The following SLC15A2 variants were observed in gnomAD, a reference collection of about 807,000 sequenced individuals.
SLC15A2 encodes the protein solute carrier family 15 member 2.
In SLC15A2, 77 loss-of-function variants were observed where a neutral mutation model predicts 95.5. That is an observed-to-expected ratio of 0.81 (90% CI 0.67 to 0.97). The LOEUF is 0.97. Ranked by LOEUF, SLC15A2 falls within the 50% of genes least tolerant of loss-of-function variation. The pLI, the probability that SLC15A2 is intolerant of heterozygous loss-of-function variation, is 0.00. For missense variants in SLC15A2, 893 were observed against 874.4 expected, an observed-to-expected ratio of 1.02 and a Z score of -0.27; for synonymous variants, 306 against 306.9, an observed-to-expected ratio of 1.00 and a Z score of 0.03.
At chr3:121,901,245 G>A (rs1019176556) in intron 3 of SLC15A2, among the ~76,000 whole-genome samples, 2 of 151,920 alleles carry the variant, frequency 1.3e-5, no homozygotes, top group East Asian at 3.9e-4. Flanking sequence ...TCTCGAACTC[G>A]ACCTCAAGTG....
At chr3:121,896,694 G>A (rs1051090993) in intron 2 of SLC15A2, among the ~76,000 whole-genome samples, 8 of 151,976 alleles carry the variant, frequency 5.3e-5, no homozygotes, top group Non-Finnish European at 7.4e-5. Context: ...GATCAGAAAG[G>A]CCTGAGACAA....
Position 121,925,726 on chromosome 3 carries a change from CTATATATATATATATATATATATATA to C in SLC15A2, c.1124+724_1124+749del, listed in dbSNP as rs67563324. On this transcript the variant is annotated intron_variant, in intron 13 of 21. Transcript: ENST00000489711. Reference sequence around the variant, plus strand: ...TTTATTACTTAGTAAAGGGGCTAGACTATATATATATATATATATATATATATATATATATATATATATATATATAT... The same window carrying C: ...TTTATTACTTAGTAAAGGGGCTAGACTATATATATATATATATATATATAT... 1.2e-3 allele frequency among the ~76,000 whole-genome samples: 39 copies of C among 33,832 alleles called. 2 individuals carry two copies. The highest frequency in any genetic ancestry group is 3.3e-3 in the South Asian group (2 of 602). The allele number at this position is 33,832 out of a possible 152,430, so 22.2% of individuals were successfully genotyped here. A position where few individuals can be genotyped will look rare whatever the true frequency, so the allele number is the denominator to read the frequency against.
intron 19 of SLC15A2, among the ~76,000 whole-genome samples, chr3:121,932,663 G>C (rs1710254942): frequency 6.6e-6 from 1 of 152,132 alleles, no homozygotes; most frequent in Non-Finnish European, 1.5e-5. Context: ...AAAAAAAAGA[G>C]AGAACATTTC....
intron 7 of SLC15A2, among the ~76,000 whole-genome samples, chr3:121,916,744 TAGTC>T (rs1255550346): frequency 6.6e-6 from 1 of 152,242 alleles, no homozygotes; most frequent in Non-Finnish European, 1.5e-5. Flanking sequence ...CTGTCATTAT[TAGTC>T]AGCAGCTTCA....
At chr3:121,925,105 A>C in intron 13 of SLC15A2, 72 bp downstream of exon 13, 1 of 1,055,748 alleles carries the variant, frequency 9.5e-7, no homozygotes, top group Non-Finnish European at 1.5e-6. Context: ...AAAAGATTCA[A>C]TGTCAGTATT....
intron 14 of SLC15A2, 189 bp from the exon 15 acceptor site, chr3:121,928,232 G>A (rs1710160167): frequency 1.6e-6 from 1 of 634,556 alleles, no homozygotes; most frequent in Non-Finnish European, 2.7e-6. Context: ...ATTGGTACTT[G>A]CTACAATGAG....
intron 3 of SLC15A2, among the ~76,000 whole-genome samples, chr3:121,905,595 T>C (rs2107575853): frequency 6.6e-6 from 1 of 152,334 alleles, no homozygotes; most frequent in South Asian, 2.1e-4. Context: ...TCTGCCTTCA[T>C]TTTGTTATTT....
At chr3:121,914,625 A>G (rs1198190007) in intron 5 of SLC15A2, among the ~76,000 whole-genome samples, 4 of 152,208 alleles carry the variant, frequency 2.6e-5, no homozygotes, top group Non-Finnish European at 5.9e-5. Flanking sequence ...AATACAGTCA[A>G]TAAACATTTA....
intron 17 of SLC15A2, among the ~76,000 whole-genome samples, chr3:121,930,309 T>C (rs1710207164): frequency 6.6e-6 from 1 of 152,190 alleles, no homozygotes; most frequent in Non-Finnish European, 1.5e-5. Flanking sequence ...GGGTCCAAAG[T>C]TTCTGCAGAC....
intron 3 of SLC15A2, among the ~76,000 whole-genome samples, chr3:121,902,249 G>C (rs1195133332): frequency 6.6e-6 from 1 of 152,146 alleles, no homozygotes; most frequent in Non-Finnish European, 1.5e-5. Flanking sequence ...ATAGTTCCTA[G>C]ATTTTATATC....
At chr3:121,915,396 A>C (rs761559880) in intron 6 of SLC15A2, 79 bp downstream of exon 6, 1 of 962,904 alleles carries the variant, frequency 1.0e-6, no homozygotes, top group Non-Finnish European at 1.7e-6. Flanking sequence ...TCTCCTGTCT[A>C]TCATCTCCTT....
In SLC15A2 at chr3:121,899,534, C is replaced by A. The variant is rs749624147; in HGVS notation, c.335+2005C>A. Among the ~76,000 whole-genome samples the A allele has an allele frequency of 2.6e-5, 4 of 152,098 alleles. No individual in the cohort carries two copies. The South Asian group carries it at 8.3e-4, about 32-fold the overall frequency. On this transcript the variant is annotated intron_variant, in intron 3 of 21. Coordinates refer to ENST00000489711, the MANE Select transcript of SLC15A2 (RefSeq NM_021082.4). ...TATCATTTTTCTCCTTTTACATTAACCCCATATTATAAAAATAATCCTCTG... is the reference window on the plus strand; with the variant it reads ...TATCATTTTTCTCCTTTTACATTAAACCCATATTATAAAAATAATCCTCTG...
intron 3 of SLC15A2, among the ~76,000 whole-genome samples, chr3:121,910,763 A>G (rs1308266545): frequency 6.6e-6 from 1 of 152,214 alleles, no homozygotes; most frequent in African/African-American, 2.4e-5. Flanking sequence ...GTGGTAGTAC[A>G]CATAAGGAAT....
At chr3:121,930,035 A>C (rs993164936) in intron 17 of SLC15A2, among the ~76,000 whole-genome samples, 15 of 152,224 alleles carry the variant, frequency 9.9e-5, no homozygotes, top group Non-Finnish European at 1.2e-4. Context: ...TTGCTTTTGA[A>C]TATGCTTCAA....
At chr3:121,914,520 C>G (rs549094190) in intron 5 of SLC15A2, among the ~76,000 whole-genome samples, 1 of 152,212 alleles carries the variant, frequency 6.6e-6, no homozygotes, top group Non-Finnish European at 1.5e-5. Context: ...CCTTCATTAA[C>G]AGTTGACTCC....
chr3:121,935,733 T>G (rs1452781932), intron 19 of SLC15A2, among the ~76,000 whole-genome samples: 1 of 152,100 alleles, frequency 6.6e-6, no homozygotes, highest in African/African-American at 2.4e-5. Flanking sequence ...ATTCATTAAT[T>G]TTTTGAAGGG....
chr3:121,930,942 A>T lies in SLC15A2; in HGVS notation c.1656A>T (p.Gln552His). The T allele has an allele frequency of 6.2e-7, 1 of 1,600,770 alleles. No individual in the cohort carries two copies. The highest frequency in any genetic ancestry group is 2.2e-5 in the East Asian group (1 of 44,802). The change falls in exon 18 of 22, where the codon CAA (glutamine) becomes CAT (histidine). Residue 552 changes from glutamine to histidine, a missense_variant. By Grantham distance (24) the Gln-to-His change is conservative. Coordinates refer to ENST00000489711, the MANE Select transcript of SLC15A2 (RefSeq NM_021082.4). ...DYGVSAYRTV[Q>H]RGEYPAVHCR... The stretch of plus-strand genomic sequence containing the variant: ...GTGTGTCTGCTTATAGAACTGTGCA[A>T]AGAGGAGAGTAAGTGCATTGCCCCT...
At chr3:121,933,951 G>A (rs1470967261) in intron 19 of SLC15A2, among the ~76,000 whole-genome samples, 2 of 151,286 alleles carry the variant, frequency 1.3e-5, no homozygotes, top group East Asian at 3.9e-4. Flanking sequence ...AAGGTGTAAG[G>A]AAGGGATCCA....
chr3:121,907,490 T>G (rs1240096133), intron 3 of SLC15A2, among the ~76,000 whole-genome samples: 1 of 152,248 alleles, frequency 6.6e-6, no homozygotes, highest in South Asian at 2.1e-4. Flanking sequence ...TTTGTGGTTT[T>G]TATCTACCTT....
Sources: gnomAD v4.1 joint callset for allele counts (sites outside exome capture counted in the v4.1 genomes callset) on GRCh38, gnomAD v4.1.1 for gene constraint, MANE v1.5 for transcripts, NCBI Gene and HGNC (gene_info 2026-07-23, HGNC 2026-07-21) for gene names.